The following TTC7A variants were observed in gnomAD, a reference collection of about 807,000 sequenced individuals.
The protein encoded by TTC7A is tetratricopeptide repeat domain 7A.
A neutral mutation model predicts 103.7 loss-of-function variants in TTC7A; 110 were observed. That is an observed-to-expected ratio of 1.06 (90% CI 0.91 to 1.24). The LOEUF is 1.24. Among genes scored for constraint, TTC7A ranks in the 50% most tolerant of loss-of-function variants. The pLI is 0.00. For synonymous variants in TTC7A, 521 were observed against 467.9 expected (o/e 1.11, Z -1.47); for missense variants, 1,340 against 1,116.3 (o/e 1.20, Z -2.86).
At chr2:46,978,005 T>G (rs1674042511) in intron 4 of TTC7A, 1 of 152,244 alleles carries the variant, frequency 6.6e-6, no homozygotes, top group Non-Finnish European at 1.5e-5. Flanking sequence ...TCTAAGAGTT[T>G]CATTTCCCCT....
chr2:46,996,843 A>C (rs1676243036), intron 8 of TTC7A, among the ~76,000 whole-genome samples: 1 of 152,126 alleles, frequency 6.6e-6, no homozygotes, highest in Non-Finnish European at 1.5e-5. Context: ...CCTAGTTTTG[A>C]AATATGGAAC....
At chr2:46,920,890 TAAAG>T (rs1558472212) in intron 2 of TTC7A, among the ~76,000 whole-genome samples, 1 of 151,696 alleles carries the variant, frequency 6.6e-6, no homozygotes, top group Non-Finnish European at 1.5e-5. Context: ...CTTCGGTACT[TAAAG>T]AAATAAATAT....
At chr2:47,073,610 G>A (rs1467449006) in intron 19 of TTC7A, 92 bp from the exon 20 acceptor site, 12 of 1,081,152 alleles carry the variant, frequency 1.1e-5, no homozygotes, top group Non-Finnish European at 1.7e-5. Context: ...GCTGATGGCT[G>A]CTGCCACCCG....
chr2:46,976,700 G>A (rs1673919175), intron 4 of TTC7A, among the ~76,000 whole-genome samples: 1 of 152,156 alleles, frequency 6.6e-6, no homozygotes, highest in African/African-American at 2.4e-5. Context: ...GTATATTATA[G>A]GATGTTCAGC....
At chr2:46,936,605 C>A (rs1669991223), upstream of TTC7A, among the ~76,000 whole-genome samples, 1 of 152,170 alleles carries the variant, frequency 6.6e-6, no homozygotes, top group Non-Finnish European at 1.5e-5. Context: ...ATCAACCTGT[C>A]TATGGCTTCC....
chr2:46,920,265 CTCA>C (rs1440461488), intron 2 of TTC7A, among the ~76,000 whole-genome samples: 1 of 152,130 alleles, frequency 6.6e-6, no homozygotes, highest in Non-Finnish European at 1.5e-5. Flanking sequence ...GCTCTCCTTT[CTCA>C]TCATGTTGTT....
chr2:46,992,420 C>T (rs1032508230), intron 5 of TTC7A, among the ~76,000 whole-genome samples: 2 of 152,150 alleles, frequency 1.3e-5, no homozygotes, highest in Non-Finnish European at 2.9e-5. Flanking sequence ...TTGGAACTTG[C>T]TTTTGAAGGA....
chr2:47,072,910 C>CT (rs778825511), intron 19 of TTC7A, among the ~76,000 whole-genome samples: 3 of 152,188 alleles, frequency 2.0e-5, no homozygotes, highest in Non-Finnish European at 4.4e-5. Context: ...GTTTCACTTC[C>CT]CAGCCTCTTC....
At chr2:46,925,549 C>CAATA (rs371347836) in intron 2 of TTC7A, among the ~76,000 whole-genome samples, 48 of 152,040 alleles carry the variant, frequency 3.2e-4, no homozygotes, top group Non-Finnish European at 4.6e-4. Flanking sequence ...CAAAGTGTCT[C>CAATA]AATAAATAAA....
intron 18 of TTC7A, 135 bp downstream of exon 18, chr2:47,052,015 CTCTGG>C: frequency 8.5e-7 from 1 of 1,173,976 alleles, no homozygotes; most frequent in South Asian, 1.8e-5. Flanking sequence ...GAGTCCTCGC[CTCTGG>C]CTGTGGGTCT....
intron 1 of TTC7A, among the ~76,000 whole-genome samples, chr2:46,946,958 G>T (rs573209702): frequency 6.6e-6 from 1 of 152,226 alleles, no homozygotes; most frequent in South Asian, 2.1e-4. Flanking sequence ...GATTGAGTTG[G>T]GGGCTGAAAG....
intron 11 of TTC7A, among the ~76,000 whole-genome samples, chr2:47,012,380 C>T (rs907893886): frequency 2.0e-5 from 3 of 152,218 alleles, no homozygotes; most frequent in African/African-American, 7.2e-5. Context: ...ACCCACATCT[C>T]CCCAGTTCCT....
At chr2:46,973,286 G>T (rs1276616104) in intron 3 of TTC7A, among the ~76,000 whole-genome samples, 1 of 152,216 alleles carries the variant, frequency 6.6e-6, no homozygotes, top group East Asian at 1.9e-4. Context: ...GGACTATCTG[G>T]CTGGCTTTTG....
intron 5 of TTC7A, among the ~76,000 whole-genome samples, chr2:46,989,399 C>G (rs1219040620): frequency 6.6e-6 from 1 of 152,256 alleles, no homozygotes; most frequent in Non-Finnish European, 1.5e-5. Flanking sequence ...GGGCAGCCAG[C>G]AATGGCTCGG....
intron 11 of TTC7A, among the ~76,000 whole-genome samples, chr2:47,020,172 G>C (rs1257481026): frequency 1.3e-5 from 2 of 152,158 alleles, no homozygotes; most frequent in East Asian, 3.9e-4. Context: ...GAGGAGCGGG[G>C]GTCCCACCTG....
chr2:47,031,071 T>G (rs1419686634), intron 15 of TTC7A, among the ~76,000 whole-genome samples: 2 of 152,106 alleles, frequency 1.3e-5, no homozygotes, highest in Non-Finnish European at 2.9e-5. Flanking sequence ...CACTTGAATC[T>G]GGGAGGCAGG....
rs71399005 is a variant in TTC7A at position 47,054,835 on chromosome 2, C to CA, written c.2152+2970dup. ...GGGCAATGGGAGTGAGACCCTGTCT[C>CA]AAAAAAAAAAAAAAAGTCAGGGGAT... On this transcript the variant is annotated intron_variant, in intron 18 of 19. Coordinates refer to ENST00000319190, the MANE Select transcript of TTC7A (RefSeq NM_020458.4). Among the ~76,000 whole-genome samples the CA allele has an allele frequency of 3.8e-3, 443 of 115,582 alleles. 3 individuals carry two copies. The highest frequency in any genetic ancestry group is 0.031 in the South Asian group (105 of 3,410). The allele number at this position is 115,582 out of a possible 152,430, so 75.8% of individuals were successfully genotyped here.
intron 14 of TTC7A, among the ~76,000 whole-genome samples, chr2:47,026,014 T>C (rs548054614): frequency 2.0e-4 from 31 of 152,384 alleles, no homozygotes; most frequent in African/African-American, 6.7e-4. Flanking sequence ...CATCCCTCTC[T>C]GATGAATAGC....
intron 11 of TTC7A, among the ~76,000 whole-genome samples, chr2:47,020,101 G>A (rs908591196): frequency 1.3e-4 from 19 of 151,800 alleles, no homozygotes; most frequent in African/African-American, 3.9e-4. Flanking sequence ...CAGCTCCTCC[G>A]CCAGGCCTAG....
Sources: allele counts gnomAD v4.1 joint callset (sites outside exome capture counted in the v4.1 genomes callset), GRCh38; gene constraint gnomAD v4.1.1; transcripts MANE v1.5; gene names NCBI Gene and HGNC (gene_info 2026-07-23, HGNC 2026-07-21).